The following GLYATL2 variants were observed in gnomAD, a reference collection of about 807,000 sequenced individuals.
GLYATL2 encodes glycine-N-acyltransferase like 2.
In GLYATL2, 25 loss-of-function variants were observed where a neutral mutation model predicts 21.4. The ratio of observed to expected loss-of-function variants is 1.17; its 90% confidence interval spans 0.85 to 1.63. The LOEUF (loss-of-function observed/expected upper bound fraction) is 1.63. GLYATL2 is among the 40% of genes most tolerant of loss of function. The pLI, the probability that GLYATL2 is intolerant of heterozygous loss-of-function variation, is 0.00. For synonymous variants in GLYATL2, 114 were observed against 118.2 expected (o/e 0.96, Z 0.23); for missense variants, 361 against 343.3 (o/e 1.05, Z -0.41).
intron 1 of GLYATL2, among the ~76,000 whole-genome samples, chr11:58,898,550 C>G (rs753684553): frequency 7.3e-5 from 11 of 150,942 alleles, no homozygotes; most frequent in Admixed American, 1.3e-4. Context: ...AATTCTTTCT[C>G]TAGGCCGGGT....
At chr11:58,894,767 G>A (rs1854607089) in intron 1 of GLYATL2, among the ~76,000 whole-genome samples, 1 of 152,032 alleles carries the variant, frequency 6.6e-6, no homozygotes, top group South Asian at 2.1e-4. Context: ...AGTATGAATT[G>A]GACAAATCAG....
intron 1 of GLYATL2, among the ~76,000 whole-genome samples, chr11:58,886,286 T>C (rs1271603002): frequency 6.6e-6 from 1 of 152,204 alleles, no homozygotes; most frequent in Non-Finnish European, 1.5e-5. Context: ...GTGTCAACTA[T>C]ATGGAAGCAC....
chr11:58,887,364 A>G (rs1470173812), intron 1 of GLYATL2, among the ~76,000 whole-genome samples: 1 of 152,210 alleles, frequency 6.6e-6, no homozygotes, highest in Non-Finnish European at 1.5e-5. Flanking sequence ...TTCAATTTTG[A>G]GTAAAACTTT....
intron 1 of GLYATL2, among the ~76,000 whole-genome samples, chr11:58,858,057 ATAT>A (rs2134592174): frequency 6.6e-6 from 1 of 152,334 alleles, no homozygotes; most frequent in East Asian, 1.9e-4. Context: ...CTGGATAAGA[ATAT>A]TGCTGTACAG....
chr11:58,857,774 C>A (rs1206792885), intron 1 of GLYATL2, among the ~76,000 whole-genome samples: 1 of 151,752 alleles, frequency 6.6e-6, no homozygotes, highest in African/African-American at 2.4e-5. Context: ...CTCCAGACTC[C>A]CCTTTCCAAA....
intron 1 of GLYATL2, among the ~76,000 whole-genome samples, chr11:58,843,536 CA>C (rs777306379): frequency 4.0e-5 from 6 of 151,130 alleles, no homozygotes; most frequent in Non-Finnish European, 8.9e-5. Flanking sequence ...GCTGGTGTAG[CA>C]AAAAAGATAA....
rs1032768860 is a variant in GLYATL2, at chr11:58,864,732, T to C, written n.61-26364A>G. On this transcript the variant is annotated intron_variant and non_coding_transcript_variant, in intron 1 of 4. Coordinates refer to the GLYATL2 transcript ENST00000533636. ...GTTATCTTTCACCTGGTATCCTTAG[T>C]TCTTGTTAAGGTATTCTTGTGCATA... is the stretch of plus-strand genomic sequence containing the variant. Among the ~76,000 whole-genome samples the C allele has an allele frequency of 2.0e-5, 3 of 149,236 alleles. No homozygotes were observed. In the Admixed American group the frequency reaches 2.1e-4, roughly 10 times the overall value.
At chr11:58,863,970 A>G (rs496601) in intron 1 of GLYATL2, among the ~76,000 whole-genome samples, 135,036 of 152,212 alleles carry the variant, frequency 0.89, 61,057 homozygotes, top group Non-Finnish European at 0.98. Flanking sequence ...CTGGAGCCTG[A>G]GTCTGCAGAT....
At chr11:58,861,576 A>T (rs1333251179) in intron 1 of GLYATL2, among the ~76,000 whole-genome samples, 3 of 149,984 alleles carry the variant, frequency 2.0e-5, no homozygotes, top group Non-Finnish European at 4.5e-5. Flanking sequence ...AACTGCTCTG[A>T]TCTTTATTTT....
upstream of GLYATL2, among the ~76,000 whole-genome samples, chr11:58,847,092 G>A (rs1301744013): frequency 4.6e-5 from 7 of 152,008 alleles, no homozygotes; most frequent in Admixed American, 3.9e-4. Flanking sequence ...TTGCTGGGCT[G>A]GAAGGGAACT....
At chr11:58,906,841 G>A (rs544542124), upstream of GLYATL2, among the ~76,000 whole-genome samples, 4 of 152,124 alleles carry the variant, frequency 2.6e-5, no homozygotes, top group Non-Finnish European at 4.4e-5. Flanking sequence ...CCACATAGAC[G>A]GTTGTTTAAA....
intron 1 of GLYATL2, chr11:58,885,125 A>G (rs1854412881): frequency 1.3e-5 from 2 of 153,486 alleles, no homozygotes; most frequent in South Asian, 4.1e-4. Context: ...GAATAATATT[A>G]GCACCTACCT....
upstream of GLYATL2, among the ~76,000 whole-genome samples, chr11:58,847,731 A>G (rs1177709789): frequency 6.6e-6 from 1 of 152,204 alleles, no homozygotes; most frequent in Non-Finnish European, 1.5e-5. Context: ...TCTGGACAGC[A>G]CATCTGTATC....
upstream of GLYATL2, among the ~76,000 whole-genome samples, chr11:58,907,083 G>T (rs1188347659): frequency 1.3e-5 from 2 of 152,182 alleles, no homozygotes; most frequent in Non-Finnish European, 2.9e-5. Context: ...CAGGGAGAGG[G>T]TTGGAGGAAA....
intron 1 of GLYATL2, among the ~76,000 whole-genome samples, chr11:58,874,377 T>C (rs895995274): frequency 6.6e-6 from 1 of 152,238 alleles, no homozygotes; most frequent in Non-Finnish European, 1.5e-5. Context: ...TTAATTGTGA[T>C]GTTAGGGTGT....
chr11:58,878,987 C>T (rs1854286175), intron 1 of GLYATL2, among the ~76,000 whole-genome samples: 1 of 152,172 alleles, frequency 6.6e-6, no homozygotes, highest in South Asian at 2.1e-4. Flanking sequence ...CTGCCTTGCA[C>T]TCTTTGTTGA....
chr11:58,891,230 T>A, intron 1 of GLYATL2, among the ~76,000 whole-genome samples: 1 of 152,194 alleles, frequency 6.6e-6, no homozygotes, highest in Non-Finnish European at 1.5e-5. Flanking sequence ...TATTAATACA[T>A]TCACTGCTAA....
intron 1 of GLYATL2, among the ~76,000 whole-genome samples, chr11:58,879,395 T>C (rs1011368475): frequency 1.1e-4 from 17 of 152,226 alleles, no homozygotes; most frequent in Admixed American, 1.1e-3. Context: ...TATAATTGCT[T>C]TTCTATAGTC....
At chr11:58,891,304 G>A (rs1214735660) in intron 1 of GLYATL2, among the ~76,000 whole-genome samples, 1 of 152,118 alleles carries the variant, frequency 6.6e-6, no homozygotes, top group Non-Finnish European at 1.5e-5. Flanking sequence ...CATGAAGTTT[G>A]TGGCTTACCA....
Sources: gnomAD v4.1 joint callset for allele counts (sites outside exome capture counted in the v4.1 genomes callset) on GRCh38, gnomAD v4.1.1 for gene constraint, MANE v1.5 for transcripts, NCBI Gene and HGNC (gene_info 2026-07-23, HGNC 2026-07-21) for gene names.